Variants in KLF13 observed in about 807,000 individuals in gnomAD.
KLF13 encodes Krueppel-like factor 13.
Under a neutral mutation model 16.7 loss-of-function variants are expected in KLF13, and 8 were observed. The ratio of observed to expected loss-of-function variants is 0.48; its 90% CI spans 0.28 to 0.87. KLF13 has a LOEUF of 0.87. Ranked by LOEUF, KLF13 falls within the 40% of genes least tolerant of loss-of-function variation. The pLI is 0.10. For synonymous variants in KLF13, 245 were observed against 208.4 expected, an observed-to-expected ratio of 1.18 and a Z score of -1.51; for missense variants, 447 against 452.2, an observed-to-expected ratio of 0.99 and a Z score of 0.10.
chr15:31,422,919 C>G (rs1363886295), intron 1 of KLF13, among the ~76,000 whole-genome samples: 1 of 151,204 alleles, frequency 6.6e-6, no homozygotes, highest in African/African-American at 2.4e-5. Context: ...CACCTGTAGT[C>G]CCAGCTACTC....
chr15:31,327,536 C>T lies in KLF13; in HGVS notation c.324C>T (p.Pro108=), dbSNP rs927267263. ...CGCCCGCCCCCGAGCCCACCTCCCC[C>T]GGCGCCGAAGGCGCGGCGGCCGCGC... The part of the protein sequence containing the change: ...LPPPAPEPTS[P]GAEGAAAAPP... The change falls in exon 1 of 2, where the codon CCC becomes CCT. Residue 108 remains proline (P), a synonymous_variant. Coordinates refer to ENST00000307145, the MANE Select transcript of KLF13 (RefSeq NM_015995.4). 19 of 1,112,636 alleles carry T rather than the reference C, an allele frequency of 1.7e-5. No individual in the cohort carries two copies. In the African/African-American group the frequency reaches 1.8e-4, roughly 11 times the overall value. The allele number at this position is 1,112,636 out of a possible 1,614,324, so 68.9% of individuals were successfully genotyped here.
At chr15:31,347,920 T>G (rs1055039532) in intron 1 of KLF13, among the ~76,000 whole-genome samples, 1 of 152,230 alleles carries the variant, frequency 6.6e-6, no homozygotes, top group Non-Finnish European at 1.5e-5. Context: ...GGTGACACCC[T>G]CCTAACACGA....
intron 1 of KLF13, among the ~76,000 whole-genome samples, chr15:31,427,188 T>C (rs1195194141): frequency 1.3e-5 from 2 of 152,128 alleles, no homozygotes; most frequent in Non-Finnish European, 2.9e-5. Context: ...CCCCCATCTA[T>C]CTATTATCCA....
intron 1 of KLF13, among the ~76,000 whole-genome samples, chr15:31,412,114 TCTC>T (rs1349071336): frequency 6.6e-5 from 10 of 152,192 alleles, no homozygotes; most frequent in African/African-American, 2.4e-4. Context: ...AGCTTTCTCC[TCTC>T]CTCAGTGGGA....
chr15:31,429,421 A>G (rs2040441748), intron 1 of KLF13, among the ~76,000 whole-genome samples: 1 of 152,200 alleles, frequency 6.6e-6, no homozygotes, highest in Non-Finnish European at 1.5e-5. Flanking sequence ...AGCAGATGCC[A>G]GGGGCTGGAA....
intron 1 of KLF13, among the ~76,000 whole-genome samples, chr15:31,370,641 A>G (rs1020973001): frequency 3.3e-5 from 5 of 150,366 alleles, no homozygotes; most frequent in Admixed American, 6.6e-5. Flanking sequence ...CTGGTCTCAA[A>G]CCCCTGATCT....
chr15:31,420,052 G>GAA lies in KLF13; in HGVS notation n.118-15312_118-15311dup, dbSNP rs71110873. Reference sequence around the variant, plus strand: ...AGATGTTATATTCAAAGTGCTGGAAGAAAAAAACCTTTTGTCAACCAAGAA... The same window carrying GAA: ...AGATGTTATATTCAAAGTGCTGGAAGAAAAAAAAACCTTTTGTCAACCAAGAA... On this transcript the variant is annotated intron_variant and non_coding_transcript_variant, in intron 1 of 1. Coordinates refer to the KLF13 transcript ENST00000558225. 4.4e-3 allele frequency: 1,482 copies of GAA among 335,236 alleles called. 17 individuals are homozygous for GAA. The highest frequency in any genetic ancestry group is 0.025 in the Middle Eastern group (24 of 972). 20.8% of individuals were successfully genotyped at this position (335,236 alleles called of 1,614,324 possible). A position where few individuals can be genotyped will look rare whatever the true frequency, so the allele number is the denominator to read the frequency against.
At chr15:31,405,561 T>A (rs1249791964), downstream of KLF13, among the ~76,000 whole-genome samples, 1 of 152,228 alleles carries the variant, frequency 6.6e-6, no homozygotes, top group Non-Finnish European at 1.5e-5. Flanking sequence ...GAAAACATCT[T>A]GCTAGGAAAT....
chr15:31,409,012 T>C (rs1458846375), downstream of KLF13, among the ~76,000 whole-genome samples: 1 of 152,046 alleles, frequency 6.6e-6, no homozygotes, highest in Non-Finnish European at 1.5e-5. Context: ...CAGGCAGGCA[T>C]GGTGGCTCAT....
intron 1 of KLF13, among the ~76,000 whole-genome samples, chr15:31,336,211 C>T (rs1410667143): frequency 6.6e-6 from 1 of 152,220 alleles, no homozygotes; most frequent in Non-Finnish European, 1.5e-5. Context: ...CTTGGGGGGG[C>T]CACCATCCTT....
At chr15:31,384,900 ATGTT>A (rs1378730254) in intron 1 of KLF13, among the ~76,000 whole-genome samples, 1 of 152,190 alleles carries the variant, frequency 6.6e-6, no homozygotes, top group Non-Finnish European at 1.5e-5. Flanking sequence ...TATGGACTGA[ATGTT>A]TGTGTCCCTG....
chr15:31,348,393 C>T (rs1049819300), intron 1 of KLF13, among the ~76,000 whole-genome samples: 2 of 152,232 alleles, frequency 1.3e-5, no homozygotes, highest in Non-Finnish European at 2.9e-5. Context: ...CGCCGCACCA[C>T]ATGCTTTTTA....
chr15:31,355,232 C>T (rs914021447), intron 1 of KLF13, among the ~76,000 whole-genome samples: 2 of 152,154 alleles, frequency 1.3e-5, no homozygotes, highest in Non-Finnish European at 1.5e-5. Context: ...CTCCTGTGGA[C>T]GGTCCCTCAC....
At chr15:31,381,781 T>C (rs1447863796), downstream of KLF13, among the ~76,000 whole-genome samples, 1 of 152,224 alleles carries the variant, frequency 6.6e-6, no homozygotes, top group East Asian at 1.9e-4. Context: ...TATTCAGCTT[T>C]AAAAAGTAGG....
At chr15:31,433,967 C>G (rs903255534) in intron 1 of KLF13, among the ~76,000 whole-genome samples, 1 of 152,200 alleles carries the variant, frequency 6.6e-6, no homozygotes, top group Non-Finnish European at 1.5e-5. Context: ...CACCACCCCT[C>G]ACATTTCTTT....
chr15:31,383,898 T>C (rs1273722819), intron 1 of KLF13, among the ~76,000 whole-genome samples: 1 of 149,418 alleles, frequency 6.7e-6, no homozygotes, highest in East Asian at 2.0e-4. Context: ...CGAGACTCCG[T>C]CTCAAAAAAT....
intron 1 of KLF13, among the ~76,000 whole-genome samples, chr15:31,328,254 A>C (rs1445366649): frequency 1.3e-5 from 2 of 149,576 alleles, no homozygotes; most frequent in African/African-American, 4.9e-5. Flanking sequence ...TCAGGAGGGG[A>C]GGGGCCGGCC....
upstream of KLF13, among the ~76,000 whole-genome samples, chr15:31,388,258 C>T (rs2039815977): frequency 6.6e-6 from 1 of 152,112 alleles, no homozygotes; most frequent in Non-Finnish European, 1.5e-5. Flanking sequence ...AATGCATGCT[C>T]TGTGTACAGT....
At chr15:31,354,197 A>G (rs937756506) in intron 1 of KLF13, among the ~76,000 whole-genome samples, 1 of 151,782 alleles carries the variant, frequency 6.6e-6, no homozygotes, top group Non-Finnish European at 1.5e-5. Context: ...CCAGGCCTGC[A>G]GGATGGGACT....
Sources: allele counts gnomAD v4.1 joint callset (sites outside exome capture counted in the v4.1 genomes callset), GRCh38; gene constraint gnomAD v4.1.1; transcripts MANE v1.5; gene names NCBI Gene and HGNC (gene_info 2026-07-23, HGNC 2026-07-21).